KIAA1217: variants seen among roughly 807,000 people sequenced by gnomAD.
KIAA1217 encodes sickle tail protein homolog.
A neutral mutation model predicts 163.9 loss-of-function variants in KIAA1217; 88 were observed. That is an observed-to-expected ratio of 0.54 (90% CI 0.45 to 0.64). KIAA1217 has a LOEUF of 0.64. Among genes scored for constraint, KIAA1217 ranks in the 30% least tolerant of loss-of-function variants. The pLI, the probability that KIAA1217 is intolerant of heterozygous loss-of-function variation, is 0.00. For synonymous variants in KIAA1217, 903 were observed against 923.1 expected (o/e 0.98, Z 0.39); for missense variants, 2,372 against 2,475.0 (o/e 0.96, Z 0.88).
chr10:23,802,802 T>C (rs1306298848), intron 1 of KIAA1217, among the ~76,000 whole-genome samples: 1 of 152,210 alleles, frequency 6.6e-6, no homozygotes, highest in Non-Finnish European at 1.5e-5. Context: ...CTGGGCTGGC[T>C]CCTGACTCTG....
intron 1 of KIAA1217, among the ~76,000 whole-genome samples, chr10:23,841,244 A>T (rs1191960535): frequency 1.3e-5 from 2 of 152,194 alleles, no homozygotes. Flanking sequence ...GAATGGTAAC[A>T]GAAGCCTGCG....
intron 2 of KIAA1217, among the ~76,000 whole-genome samples, chr10:24,186,136 ATT>A (rs1296291895): frequency 6.6e-6 from 1 of 152,018 alleles, no homozygotes; most frequent in Non-Finnish European, 1.5e-5. Flanking sequence ...TGGTTGTCTT[ATT>A]TTTAGTTTTA....
intron 2 of KIAA1217, among the ~76,000 whole-genome samples, chr10:24,373,858 C>T (rs561159446): frequency 1.3e-5 from 2 of 152,284 alleles, no homozygotes; most frequent in South Asian, 2.1e-4. Context: ...ATGAGCTGCC[C>T]GTGGGCAGCG....
At chr10:23,776,960 A>G (rs1835035182) in intron 1 of KIAA1217, among the ~76,000 whole-genome samples, 1 of 151,916 alleles carries the variant, frequency 6.6e-6, no homozygotes, top group African/African-American at 2.4e-5. Context: ...CTGGGATTAC[A>G]GGCATGAGCC....
At chr10:24,007,180 C>T (rs1474765598) in intron 1 of KIAA1217, 2 of 151,124 alleles carry the variant, frequency 1.3e-5, no homozygotes, top group Non-Finnish European at 2.9e-5. Flanking sequence ...AATTACTCAG[C>T]AGTTCTGCAG....
At chr10:23,700,417 C>T (rs1194978323) in intron 1 of KIAA1217, among the ~76,000 whole-genome samples, 1 of 152,104 alleles carries the variant, frequency 6.6e-6, no homozygotes, top group African/African-American at 2.4e-5. Flanking sequence ...ATTCCATACA[C>T]AGCCACAGCA....
chr10:24,452,867 A>T (rs1195320518), intron 5 of KIAA1217, among the ~76,000 whole-genome samples: 1 of 152,206 alleles, frequency 6.6e-6, no homozygotes, highest in East Asian at 1.9e-4. Flanking sequence ...CGATTATTAC[A>T]CATTGCATGC....
chr10:23,708,177 C>A (rs1837011414), intron 1 of KIAA1217, among the ~76,000 whole-genome samples: 1 of 152,140 alleles, frequency 6.6e-6, no homozygotes, highest in Admixed American at 6.5e-5. Flanking sequence ...AATCAGATCT[C>A]ATGGGACTTA....
chr10:23,869,134 T>TTG (rs899635443), intron 1 of KIAA1217, among the ~76,000 whole-genome samples: 3 of 142,284 alleles, frequency 2.1e-5, no homozygotes, highest in Non-Finnish European at 4.6e-5. Context: ...GTTTTTTTTT[T>TTG]TTTTTTTTTT....
chr10:23,803,440 C>T (rs1174177778), intron 1 of KIAA1217, among the ~76,000 whole-genome samples: 1 of 152,220 alleles, frequency 6.6e-6, no homozygotes, highest in Non-Finnish European at 1.5e-5. Flanking sequence ...GTCCCCATGC[C>T]TCAATCTGGG....
intron 5 of KIAA1217, among the ~76,000 whole-genome samples, chr10:24,447,315 G>A (rs549891548): frequency 6.6e-6 from 1 of 151,606 alleles, no homozygotes; most frequent in African/African-American, 2.4e-5. Flanking sequence ...GTATACATGT[G>A]CCATGTTGGT....
At chr10:24,187,890 C>CA (rs1027670888) in intron 2 of KIAA1217, among the ~76,000 whole-genome samples, 62 of 142,182 alleles carry the variant, frequency 4.4e-4, no homozygotes, top group Middle Eastern at 3.7e-3. Flanking sequence ...AACTCCATCT[C>CA]AAAAAAAAAA....
At chr10:24,202,501 C>T (rs559182661) in intron 2 of KIAA1217, among the ~76,000 whole-genome samples, 1 of 152,300 alleles carries the variant, frequency 6.6e-6, no homozygotes, top group South Asian at 2.1e-4. Context: ...GCCCTGTTCT[C>T]GGAGCCTCCA....
At chr10:24,330,020 C>G (rs976305413) in intron 2 of KIAA1217, among the ~76,000 whole-genome samples, 1 of 152,110 alleles carries the variant, frequency 6.6e-6, no homozygotes, top group Non-Finnish European at 1.5e-5. Context: ...GCAGAAACGG[C>G]TGGGCGTGGT....
intron 1 of KIAA1217, among the ~76,000 whole-genome samples, chr10:23,752,318 C>A (rs140409550): frequency 9.3e-4 from 142 of 152,198 alleles, no homozygotes; most frequent in African/African-American, 3.2e-3. Context: ...GAGACATTTA[C>A]ATTTTATTGA....
intron 2 of KIAA1217, among the ~76,000 whole-genome samples, chr10:24,037,201 C>T (rs1407290086): frequency 6.6e-6 from 1 of 152,208 alleles, no homozygotes; most frequent in Admixed American, 6.5e-5. Context: ...CCCAGTGGCT[C>T]ACGCCTATAA....
Position 24,514,718 on chromosome 10 carries a change from G to A in KIAA1217, c.2177+1284G>A, listed in dbSNP as rs754167514. Among the ~76,000 whole-genome samples the A allele has an allele frequency of 3.9e-5, 6 of 152,198 alleles. No individual in the cohort carries two copies. In the South Asian group the frequency reaches 8.3e-4, roughly 21 times the overall value. ...TAAAATGCATATCCTGGCTGGGCAC[G>A]GAGGCTCATACCTGTAATCCCAGCA... is the stretch of plus-strand genomic sequence containing the variant. On this transcript the variant is annotated intron_variant, in intron 10 of 20. Coordinates refer to ENST00000376454, the MANE Select transcript of KIAA1217 (RefSeq NM_019590.5).
chr10:23,980,784 A>G (rs992419398), intron 1 of KIAA1217, among the ~76,000 whole-genome samples: 1 of 152,170 alleles, frequency 6.6e-6, no homozygotes, highest in African/African-American at 2.4e-5. Flanking sequence ...AATTCCGTTC[A>G]GCTCAATCTG....
intron 2 of KIAA1217, among the ~76,000 whole-genome samples, chr10:24,227,532 C>CT (rs1264425737): frequency 1.4e-5 from 2 of 145,050 alleles, no homozygotes; most frequent in Middle Eastern, 7.1e-3. Flanking sequence ...AATATGAGCA[C>CT]TTTTTTTTTC....
Sources: gnomAD v4.1 joint callset for allele counts (sites outside exome capture counted in the v4.1 genomes callset) on GRCh38, gnomAD v4.1.1 for gene constraint, MANE v1.5 for transcripts, NCBI Gene and HGNC (gene_info 2026-07-23, HGNC 2026-07-21) for gene names.